Variants in CECR2 observed in about 807,000 individuals in gnomAD.
CECR2 encodes the protein chromatin remodeling regulator CECR2.
In CECR2, 30 loss-of-function variants were observed where a neutral mutation model predicts 154.5. The ratio of observed to expected loss-of-function variants is 0.19; its 90% CI spans 0.15 to 0.26. The LOEUF (loss-of-function observed/expected upper bound fraction) is 0.26. Ranked by LOEUF, CECR2 falls within the 10% of genes least tolerant of loss-of-function variation. The pLI, the probability that CECR2 is intolerant of heterozygous loss-of-function variation, is 1.00. For synonymous variants in CECR2, 725 were observed against 683.7 expected, an observed-to-expected ratio of 1.06 and a Z score of -0.94; for missense variants, 1,743 against 1,829.3, an observed-to-expected ratio of 0.95 and a Z score of 0.86.
At chr22:17,427,468 G>A (rs2078737) in intron 1 of CECR2, among the ~76,000 whole-genome samples, 47,305 of 151,922 alleles carry the variant, frequency 0.31, 7,423 homozygotes, top group Middle Eastern at 0.37. Context: ...GAACGAAGCC[G>A]TGGACCTCAT....
At chr22:17,365,576 C>T (rs569753465), upstream of CECR2, among the ~76,000 whole-genome samples, 1 of 150,428 alleles carries the variant, frequency 6.6e-6, no homozygotes. Context: ...GGTGCCTGTA[C>T]ACCCAGCTAC....
chr22:17,517,653 C>G (rs1198306315), intron 8 of CECR2, among the ~76,000 whole-genome samples: 1 of 152,206 alleles, frequency 6.6e-6, no homozygotes, highest in Non-Finnish European at 1.5e-5. Context: ...GGTGAAGGTT[C>G]ATACACTGAA....
At chr22:17,531,718 A>G (rs969736734) in intron 9 of CECR2, among the ~76,000 whole-genome samples, 1 of 152,264 alleles carries the variant, frequency 6.6e-6, no homozygotes, top group African/African-American at 2.4e-5. Context: ...GAAAGCAAGA[A>G]GAGATATAAA....
intron 7 of CECR2, among the ~76,000 whole-genome samples, chr22:17,510,892 A>AT (rs1555922698): frequency 2.0e-5 from 3 of 152,168 alleles, no homozygotes; most frequent in Admixed American, 1.3e-4. Flanking sequence ...GGCGTGAGCC[A>AT]CCCCACCCAG....
At chr22:17,419,708 C>CTCTTTCCTCCTTCGTAGCGTGCTGT (rs148821229) in intron 1 of CECR2, 1 of 302,376 alleles carries the variant, frequency 3.3e-6, no homozygotes, top group East Asian at 6.7e-5. Context: ...CGAGCTGGAG[C>CTCTTTCCTCCTTCGTAGCGTGCTGT]TAGAGAGCTG....
intron 1 of CECR2, chr22:17,477,218 T>G: frequency 1.4e-6 from 1 of 702,804 alleles, no homozygotes; most frequent in South Asian, 1.5e-5. Context: ...TCCTCTCTTT[T>G]GCGATTAAAA....
chr22:17,497,152 G>T (rs917920620), intron 2 of CECR2, among the ~76,000 whole-genome samples: 3 of 152,102 alleles, frequency 2.0e-5, no homozygotes, highest in African/African-American at 7.2e-5. Context: ...AAGATTAGCT[G>T]GGTGTGGTGG....
intron 13 of CECR2, 101 bp downstream of exon 13, chr22:17,539,220 G>A (rs2056483923): frequency 1.5e-6 from 2 of 1,320,832 alleles, no homozygotes; most frequent in Non-Finnish European, 2.1e-6. Context: ...CTGTAGGACA[G>A]TGAACAGAAT....
intron 2 of CECR2, among the ~76,000 whole-genome samples, chr22:17,480,035 C>G (rs573519700): frequency 1.3e-5 from 2 of 152,180 alleles, no homozygotes; most frequent in Non-Finnish European, 1.5e-5. Context: ...GCTGGGATTA[C>G]AGGTGTGAGC....
chr22:17,478,650 T>C (rs893035213), intron 2 of CECR2, among the ~76,000 whole-genome samples: 13 of 152,170 alleles, frequency 8.5e-5, no homozygotes, highest in Non-Finnish European at 1.6e-4. Flanking sequence ...CCACCGCGCC[T>C]GGCCAAGTAT....
intron 1 of CECR2, among the ~76,000 whole-genome samples, chr22:17,397,414 G>A (rs1387297308): frequency 1.3e-5 from 2 of 152,184 alleles, no homozygotes; most frequent in African/African-American, 2.4e-5. Flanking sequence ...TTACAGGCAT[G>A]AGCCACTGCA....
rs192949767 is a variant in CECR2, at chr22:17,557,972, G to C, written c.*5132G>C. The C allele has an allele frequency of 6.6e-6, 1 of 152,296 alleles. No homozygotes were observed. Among genetic ancestry groups the C allele is most frequent in the East Asian group, 1.9e-4 (1 of 5,186 alleles). 9.4% of individuals were successfully genotyped at this position (152,296 alleles called of 1,614,324 possible). On this transcript the variant is annotated 3_prime_UTR_variant, in exon 19 of 19. Transcript: ENST00000262608. ...ATTTTTATATTGTGTATATTTTGTC[G>C]TGGTCTGCTGATTCCCTGTTTCACT...
intron 7 of CECR2, 109 bp from the exon 8 acceptor site, chr22:17,511,704 G>A: frequency 2.4e-6 from 2 of 818,480 alleles, no homozygotes; most frequent in Non-Finnish European, 4.1e-6. Context: ...GCCCTAACCT[G>A]TGTGCCTCAT....
chr22:17,399,910 A>G (rs542955961), intron 1 of CECR2, among the ~76,000 whole-genome samples: 1 of 152,294 alleles, frequency 6.6e-6, no homozygotes, highest in Non-Finnish European at 1.5e-5. Flanking sequence ...ATCTCTTTGA[A>G]TTTTGGACCT....
intron 2 of CECR2, among the ~76,000 whole-genome samples, chr22:17,485,588 G>C (rs184503904): frequency 6.6e-6 from 1 of 152,102 alleles, no homozygotes; most frequent in Non-Finnish European, 1.5e-5. Context: ...GGGCAACATG[G>C]TGAAACCCCG....
upstream of CECR2, among the ~76,000 whole-genome samples, chr22:17,364,868 T>TAAG (rs546040782): frequency 0.014 from 2,076 of 150,990 alleles, 50 homozygotes; most frequent in African/African-American, 0.048. Flanking sequence ...AAACAAAAAA[T>TAAG]AAGAAGAAGA....
intron 16 of CECR2, among the ~76,000 whole-genome samples, chr22:17,545,540 T>C (rs1441394372): frequency 6.6e-6 from 1 of 151,788 alleles, no homozygotes; most frequent in Non-Finnish European, 1.5e-5. Flanking sequence ...TGGACACACT[T>C]GGACTTAAGA....
At chr22:17,529,799 G>T (rs138040889) in intron 9 of CECR2, among the ~76,000 whole-genome samples, 1 of 151,932 alleles carries the variant, frequency 6.6e-6, no homozygotes, top group African/African-American at 2.4e-5. Flanking sequence ...ACAAAGTCTC[G>T]CTCTGCCTCC....
rs772299708 is a variant in CECR2, at chr22:17,538,987, G to GT, written c.1369-3dup. On this transcript the variant is annotated splice_region_variant and splice_polypyrimidine_tract_variant and intron_variant, in intron 12 of 18. Transcript: ENST00000262608. ...TTAACTATAAAGAGTTATGTGTCTC[G>GT]TTTAGGCCCCCATGGATATTTCCAG... The GT allele has an allele frequency of 5.0e-6, 8 of 1,612,842 alleles. No homozygotes were observed. In the South Asian group the frequency reaches 8.8e-5, roughly 18 times the overall value.
Sources: allele counts gnomAD v4.1 joint callset (sites outside exome capture counted in the v4.1 genomes callset), GRCh38; gene constraint gnomAD v4.1.1; transcripts MANE v1.5; gene names NCBI Gene and HGNC (gene_info 2026-07-23, HGNC 2026-07-21).